DIAPH3: variants seen among roughly 807,000 people sequenced by gnomAD.
DIAPH3 encodes the protein protein diaphanous homolog 3.
DIAPH3 carries 117 observed loss-of-function variants against 144.3 expected under a neutral mutation model. That is an observed-to-expected ratio of 0.81 (90% CI 0.70 to 0.95). The LOEUF (loss-of-function observed/expected upper bound fraction) is 0.95. DIAPH3 is among the 40% of genes least tolerant of loss of function. The pLI, the probability that DIAPH3 is intolerant of heterozygous loss-of-function variation, is 0.00. For missense variants in DIAPH3, 1,421 were observed against 1,412.7 expected, an observed-to-expected ratio of 1.01 and a Z score of -0.09; for synonymous variants, 519 against 488.9, an observed-to-expected ratio of 1.06 and a Z score of -0.81.
intron 13 of DIAPH3, among the ~76,000 whole-genome samples, chr13:59,982,481 A>G (rs1380169328): frequency 1.3e-5 from 2 of 151,434 alleles, no homozygotes; most frequent in South Asian, 2.1e-4. Flanking sequence ...ATTTTCATTA[A>G]TATTATCTAG....
rs78980382 is a variant in DIAPH3 at position 59,777,332 on chromosome 13, A to C, written c.3164-2509T>G. ...ATTATTGCACACTGAGGAAAAAAGA[A>C]TCATGCATCCATAGTGATACTAAAA... On this transcript the variant is annotated intron_variant, in intron 25 of 27. Coordinates refer to ENST00000400324, the MANE Select transcript of DIAPH3 (RefSeq NM_001042517.2). 3.6e-3 allele frequency among the ~76,000 whole-genome samples: 555 copies of C among 152,326 alleles called. 3 individuals carry two copies. The East Asian group carries it at 0.041, about 11-fold the overall frequency.
chr13:59,916,048 T>C, intron 19 of DIAPH3, 107 bp downstream of exon 19: 1 of 931,812 alleles, frequency 1.1e-6, no homozygotes. Flanking sequence ...AGCAATGATT[T>C]TCCAGTTGAA....
At chr13:59,816,797 C>T (rs142130923) in intron 24 of DIAPH3, among the ~76,000 whole-genome samples, 5 of 151,826 alleles carry the variant, frequency 3.3e-5, no homozygotes, top group Middle Eastern at 3.6e-3. Flanking sequence ...GATCAAATCA[C>T]GGTAATTGGA....
chr13:60,017,690 G>A (rs1023943895), intron 5 of DIAPH3, among the ~76,000 whole-genome samples: 3 of 152,130 alleles, frequency 2.0e-5, no homozygotes, highest in African/African-American at 7.2e-5. Flanking sequence ...CATTTAGACT[G>A]GCAATCTCTT....
At chr13:60,093,483 A>G (rs41293428) in intron 4 of DIAPH3, 145 bp downstream of exon 4, 27,907 of 619,470 alleles carry the variant, frequency 0.045, 719 homozygotes, top group East Asian at 0.079. Context: ...AAACAAATGT[A>G]TAATATACTT....
intron 20 of DIAPH3, among the ~76,000 whole-genome samples, chr13:59,886,866 A>G (rs1477833826): frequency 6.6e-6 from 1 of 152,062 alleles, no homozygotes; most frequent in Non-Finnish European, 1.5e-5. Flanking sequence ...AAGATGGTAT[A>G]CTTTCTTTCC....
At chr13:59,765,160 C>G in intron 27 of DIAPH3, among the ~76,000 whole-genome samples, 1 of 152,230 alleles carries the variant, frequency 6.6e-6, no homozygotes, top group South Asian at 2.1e-4. Context: ...CAACTTTTTT[C>G]TGCTAAACTA....
Position 60,162,246 on chromosome 13 carries a change from T to C in DIAPH3, c.180+1341A>G, listed in dbSNP as rs578181372. ...ATCCTTCAATGAAACTTAACATAAA[T>C]ACTAATTTAGATCCTGTTTTCATGA... On this transcript the variant is annotated intron_variant, in intron 1 of 27. Coordinates refer to ENST00000400324, the MANE Select transcript of DIAPH3 (RefSeq NM_001042517.2). Among the ~76,000 whole-genome samples, 4 of 152,294 alleles carry C rather than the reference T, an allele frequency of 2.6e-5. No homozygotes were observed. The East Asian group carries it at 7.7e-4, about 29-fold the overall frequency.
At chr13:60,148,214 C>T (rs886709113) in intron 1 of DIAPH3, among the ~76,000 whole-genome samples, 1 of 152,164 alleles carries the variant, frequency 6.6e-6, no homozygotes, top group Non-Finnish European at 1.5e-5. Context: ...TTTGAGGTAC[C>T]TCTAAGCCAT....
At chr13:59,958,867 CTTT>C (rs932649097) in intron 17 of DIAPH3, among the ~76,000 whole-genome samples, 2 of 94,340 alleles carry the variant, frequency 2.1e-5, no homozygotes, top group Admixed American at 1.3e-4. Context: ...CTTCAATAAA[CTTT>C]TTTTTTTTTT....
chr13:59,922,521 C>T (rs2140293642), intron 18 of DIAPH3, among the ~76,000 whole-genome samples: 1 of 152,166 alleles, frequency 6.6e-6, no homozygotes, highest in Admixed American at 6.5e-5. Flanking sequence ...TATTCTACTA[C>T]TGACCACTGT....
chr13:60,065,372 T>C (rs2056919162), intron 4 of DIAPH3, among the ~76,000 whole-genome samples: 1 of 151,814 alleles, frequency 6.6e-6, no homozygotes, highest in Non-Finnish European at 1.5e-5. Flanking sequence ...ACAACTATTA[T>C]AATTTCTTCT....
chr13:60,156,110 CCTT>C (rs959826003), intron 1 of DIAPH3, among the ~76,000 whole-genome samples: 4 of 152,226 alleles, frequency 2.6e-5, no homozygotes, highest in African/African-American at 9.6e-5. Flanking sequence ...AGGCTGCTCT[CCTT>C]CTAGAAGCTC....
intron 25 of DIAPH3, among the ~76,000 whole-genome samples, chr13:59,804,943 T>C: frequency 6.6e-6 from 1 of 152,240 alleles, no homozygotes; most frequent in African/African-American, 2.4e-5. Flanking sequence ...GCATTTCCTC[T>C]AAAATGGAGG....
rs528900237 is a variant in DIAPH3, at chr13:59,803,907, C to T, written c.3163+6881G>A. Among the ~76,000 whole-genome samples the T allele has an allele frequency of 6.6e-5, 10 of 152,168 alleles. No homozygotes were observed. The South Asian group carries it at 1.9e-3, about 28-fold the overall frequency. On this transcript the variant is annotated intron_variant, in intron 25 of 27. Coordinates refer to ENST00000400324, the MANE Select transcript of DIAPH3 (RefSeq NM_001042517.2). ...GAACAGAATTTCAGTTTCTTAATAC[C>T]ATCAGAAGGAAAAAATTGTTACATG...
rs527951761 is a variant in DIAPH3, at chr13:60,108,193, T to TA, written c.390+3816dup. Among the ~76,000 whole-genome samples the TA allele has an allele frequency of 6.2e-4, 93 of 150,958 alleles. 3 individuals carry two copies. In the South Asian group the frequency reaches 7.1e-3, roughly 12 times the overall value. On this transcript the variant is annotated intron_variant, in intron 3 of 27. Transcript: ENST00000400324. ...AGACAGATATCTAAAAAGTGAAAAG[T>TA]AAAAAAAAAGAATGAATTTCACAAT...
rs117575604 is a variant in DIAPH3 at position 60,083,446 on chromosome 13, T to A, written c.495+10182A>T. On this transcript the variant is annotated intron_variant, in intron 4 of 27. Coordinates refer to ENST00000400324, the MANE Select transcript of DIAPH3 (RefSeq NM_001042517.2). ...CAAACTAGATATTAATGAAAGAATA[T>A]AATACTTCTTATGATCTTGGTAAAG... is the stretch of plus-strand genomic sequence containing the variant. Among the ~76,000 whole-genome samples, 1,458 of 152,038 alleles carry A rather than the reference T, an allele frequency of 9.6e-3. 14 individuals carry two copies. The highest frequency in any genetic ancestry group is 0.015 in the Non-Finnish European group (993 of 67,984).
rs996316860 is a variant in DIAPH3 at position 59,860,554 on chromosome 13, T to C, written c.2737+853A>G. On this transcript the variant is annotated intron_variant, in intron 22 of 27. Transcript: ENST00000400324. ...GAGATCGAGACTATCCTGGCTAACA[T>C]GGTGAAACCCCGTCTCTACTAAAAA... Among the ~76,000 whole-genome samples the C allele has an allele frequency of 7.2e-4, 110 of 152,150 alleles. 1 individual carries two copies. The highest frequency in any genetic ancestry group is 6.8e-3 in the Middle Eastern group (2 of 294).
chr13:60,107,562 C>G (rs922642592), intron 3 of DIAPH3, among the ~76,000 whole-genome samples: 1 of 152,032 alleles, frequency 6.6e-6, no homozygotes, highest in Admixed American at 6.5e-5. Context: ...ACCAGGTTTC[C>G]CACACTGAAA....
Sources: gnomAD v4.1 joint callset for allele counts (sites outside exome capture counted in the v4.1 genomes callset) on GRCh38, gnomAD v4.1.1 for gene constraint, MANE v1.5 for transcripts, NCBI Gene and HGNC (gene_info 2026-07-23, HGNC 2026-07-21) for gene names.